Variants in CAMKK1 observed in about 807,000 individuals in gnomAD.
CAMKK1 encodes the protein calcium/calmodulin-dependent protein kinase kinase 1.
In CAMKK1, 20 loss-of-function variants were observed where a neutral mutation model predicts 63.5. That is an observed-to-expected ratio of 0.32 (90% CI 0.22 to 0.46). The LOEUF is 0.46. Ranked by LOEUF, CAMKK1 falls within the 20% of genes least tolerant of loss-of-function variation. CAMKK1 has a pLI of 1.00. For synonymous variants in CAMKK1, 253 were observed against 269.0 expected (o/e 0.94, Z 0.58); for missense variants, 588 against 658.1 (o/e 0.89, Z 1.17).
In CAMKK1 at chr17:3,887,756, G is replaced by A. The variant is rs1443938334; in HGVS notation, c.-43-2026C>T. On this transcript the variant is annotated intron_variant, in intron 1 of 15. Transcript: ENST00000348335. The surrounding 1 kb of genome is among the most constrained non-coding windows in gnomAD (Gnocchi z 6.1). ...GGAGGTGAGAGGGACAGTGAGTGGG[G>A]CTGGAGCTTCGGGGAGAGCTTGGAA... Among the ~76,000 whole-genome samples, 2 of 152,108 alleles carry A rather than the reference G, an allele frequency of 1.3e-5. No homozygotes were observed. The highest frequency in any genetic ancestry group is 2.9e-5 in the Non-Finnish European group (2 of 67,984).
chr17:3,868,497 CA>C lies in CAMKK1; in HGVS notation c.1341+989del, dbSNP rs549924262. The stretch of plus-strand genomic sequence containing the variant: ...CTAACTGATACGTGGGCTTTGGGGC[CA>C]CTCCTCCAATCCAAAGGCTGCCCAG... On this transcript the variant is annotated intron_variant, in intron 14 of 15. Transcript: ENST00000348335. Among the ~76,000 whole-genome samples, 139 of 152,192 alleles carry C rather than the reference CA, an allele frequency of 9.1e-4. 1 individual carries two copies. Among genetic ancestry groups the C allele is most frequent in the South Asian group, 2.1e-3 (10 of 4,814 alleles).
intron 12 of CAMKK1, among the ~76,000 whole-genome samples, chr17:3,871,739 G>A (rs918629776): frequency 6.7e-6 from 1 of 149,324 alleles, no homozygotes; most frequent in Non-Finnish European, 1.5e-5. Context: ...TCTGCCTCCT[G>A]GGTTCAAGCA....
At position 3,861,035 on chromosome 17, in the gene CAMKK1, GAGA is replaced by G. The variant is rs1195339514; in HGVS notation, c.*1173_*1175del. The G allele has an allele frequency of 3.9e-5, 6 of 152,344 alleles. No homozygotes were observed. The East Asian group carries it at 1.2e-3, about 29-fold the overall frequency. 9.4% of individuals were successfully genotyped at this position (152,344 alleles called of 1,614,324 possible). A position where few individuals can be genotyped will look rare whatever the true frequency, so the allele number is the denominator to read the frequency against. On this transcript the variant is annotated 3_prime_UTR_variant, in exon 16 of 16. Coordinates refer to ENST00000348335, the MANE Select transcript of CAMKK1 (RefSeq NM_032294.3). ...CGGCCAGCCGGACACTGATCCCAGA[GAGA>G]AGGTGAAGGCTGCTCCGGAAGAGCT...
In CAMKK1 at chr17:3,862,128, G is replaced by C; in HGVS notation, c.*83C>G. ...CTGCAGTCCCCAGCCCCCTGCCTGC[G>C]GGGGCGGCTGTTGCATGAGGGGTGG... On this transcript the variant is annotated 3_prime_UTR_variant, in exon 16 of 16. Transcript: ENST00000348335. The surrounding 1 kb of genome is among the most constrained non-coding windows in gnomAD (Gnocchi z 4.1). 8.6e-7 allele frequency: 1 copy of C among 1,169,436 alleles called. No individual in the cohort carries two copies. Among genetic ancestry groups the C allele is most frequent in the Non-Finnish European group, 1.2e-6 (1 of 813,496 alleles). The allele number at this position is 1,169,436 out of a possible 1,614,324, so 72.4% of individuals were successfully genotyped here. A position where few individuals can be genotyped will look rare whatever the true frequency, so the allele number is the denominator to read the frequency against.
Position 3,882,415 on chromosome 17 carries a change from G to T in CAMKK1, c.685+113C>A. 1 of 1,587,228 alleles carries T rather than the reference G, an allele frequency of 6.3e-7. No individual in the cohort carries two copies. The highest frequency in any genetic ancestry group is 2.2e-5 in the East Asian group (1 of 44,730). On this transcript the variant is annotated intron_variant, in intron 7 of 15. Coordinates refer to ENST00000348335, the MANE Select transcript of CAMKK1 (RefSeq NM_032294.3). The surrounding 1 kb of genome is among the most constrained non-coding windows in gnomAD (Gnocchi z 4.3). ...GCTTCAGAACGTGTGTTTTTCTTCT[G>T]TCCCCAGGAGGTCAGTGCATTTACA...
intron 1 of CAMKK1, among the ~76,000 whole-genome samples, chr17:3,885,988 A>G (rs1597488487): frequency 6.6e-6 from 1 of 152,168 alleles, no homozygotes; most frequent in Non-Finnish European, 1.5e-5. Context: ...CTTCACAGGG[A>G]AGCAGAGAGA....
chr17:3,867,879 C>T (rs1156644839), intron 14 of CAMKK1, among the ~76,000 whole-genome samples: 3 of 152,164 alleles, frequency 2.0e-5, no homozygotes, highest in Admixed American at 6.5e-5. Flanking sequence ...TTCCAAGTGC[C>T]AACACAGAAG....
chr17:3,872,723 G>A (rs2054947300), intron 11 of CAMKK1, 96 bp from the exon 12 acceptor site: 2 of 917,062 alleles, frequency 2.2e-6, no homozygotes, highest in Non-Finnish European at 3.6e-6. Context: ...AGGGGTAGGG[G>A]GCAGGTCTGG....
intron 7 of CAMKK1, 113 bp from the exon 8 acceptor site, chr17:3,881,761 G>T: frequency 2.1e-6 from 2 of 931,210 alleles, no homozygotes; most frequent in Non-Finnish European, 3.4e-6. Context: ...GCATACTCGA[G>T]GCAGGGACAG....
At position 3,889,782 on chromosome 17, in the gene CAMKK1, TGTGG is replaced by T. The variant is rs2055817572; in HGVS notation, c.-44+3153_-44+3156del. ...CAAGCGTCTGGCCACTCCCAAGGAA[TGTGG>T]GCCCCCGGCTCCAGACGCCCACTTG... On this transcript the variant is annotated intron_variant, in intron 1 of 15. Coordinates refer to ENST00000348335, the MANE Select transcript of CAMKK1 (RefSeq NM_032294.3). The surrounding 1 kb of genome is among the most constrained non-coding windows in gnomAD (Gnocchi z 5.2). Among the ~76,000 whole-genome samples, 2 of 151,880 alleles carry T rather than the reference TGTGG, an allele frequency of 1.3e-5. No homozygotes were observed. The highest frequency in any genetic ancestry group is 4.1e-4 in the South Asian group (2 of 4,822).
chr17:3,887,001 G>A lies in CAMKK1; in HGVS notation c.-43-1271C>T, dbSNP rs1480915945. ...ACCCACACAGCAACTGAGAACATGG[G>A]TCTCAGGGAGACCCAGAGTACGCAT... On this transcript the variant is annotated intron_variant, in intron 1 of 15. Coordinates refer to ENST00000348335, the MANE Select transcript of CAMKK1 (RefSeq NM_032294.3). This position sits in a 1 kb window ranked among gnomAD's most constrained non-coding sequence, Gnocchi z 6.1. Among the ~76,000 whole-genome samples, 1 of 152,124 alleles carries A rather than the reference G, an allele frequency of 6.6e-6. No homozygotes were observed. Among genetic ancestry groups the A allele is most frequent in the East Asian group, 1.9e-4 (1 of 5,192 alleles).
Position 3,883,817 on chromosome 17 carries a change from C to A in CAMKK1, c.462+67G>T. 1 of 1,526,578 alleles carries A rather than the reference C, an allele frequency of 6.6e-7. No individual in the cohort carries two copies. Among genetic ancestry groups the A allele is most frequent in the Non-Finnish European group, 9.1e-7 (1 of 1,102,278 alleles). 94.6% of individuals were successfully genotyped at this position (1,526,578 alleles called of 1,614,324 possible). Reference sequence around the variant, plus strand: ...TGTCCTCTATCTCCTAAGCACAACTCCTGCCCCACCCCTCAGGCTTCCAGG... The same window carrying A: ...TGTCCTCTATCTCCTAAGCACAACTACTGCCCCACCCCTCAGGCTTCCAGG... On this transcript the variant is annotated intron_variant, in intron 4 of 15. Coordinates refer to ENST00000348335, the MANE Select transcript of CAMKK1 (RefSeq NM_032294.3). The surrounding 1 kb of genome is among the most constrained non-coding windows in gnomAD (Gnocchi z 4.7).
At chr17:3,872,010 C>T (rs928482557) in intron 12 of CAMKK1, among the ~76,000 whole-genome samples, 15 of 152,210 alleles carry the variant, frequency 9.9e-5, no homozygotes, top group African/African-American at 3.4e-4. Flanking sequence ...GTGGCTGCCA[C>T]GGTGGCCGTC....
intron 14 of CAMKK1, among the ~76,000 whole-genome samples, chr17:3,868,721 T>C (rs1162725159): frequency 2.6e-5 from 4 of 151,792 alleles, no homozygotes; most frequent in Non-Finnish European, 2.9e-5. Flanking sequence ...GGCGTGATCT[T>C]GGCTCACTAC....
chr17:3,868,807 T>C (rs1597447465), intron 14 of CAMKK1, among the ~76,000 whole-genome samples: 1 of 146,970 alleles, frequency 6.8e-6, no homozygotes, highest in Non-Finnish European at 1.5e-5. Context: ...TGCCCACCAC[T>C]GCGCCCGGCT....
intron 10 of CAMKK1, 85 bp from the exon 11 acceptor site, chr17:3,873,547 G>T: frequency 7.8e-7 from 1 of 1,285,088 alleles, no homozygotes. Flanking sequence ...GGAGAGGCCT[G>T]CAGGGAACCT....
At chr17:3,869,656 G>T in intron 13 of CAMKK1, 41 bp from the exon 14 acceptor site, 1 of 1,613,720 alleles carries the variant, frequency 6.2e-7, no homozygotes, top group Non-Finnish European at 8.5e-7. Flanking sequence ...GAGAGGTCAG[G>T]CCATTACCAG....
rs2054341881 is a variant in CAMKK1 at position 3,861,890 on chromosome 17, C to T, written c.*321G>A. 8 of 394,380 alleles carry T rather than the reference C, an allele frequency of 2.0e-5. No homozygotes were observed. The South Asian group carries it at 2.6e-4, about 13-fold the overall frequency. 24.4% of individuals were successfully genotyped at this position (394,380 alleles called of 1,614,324 possible). A position where few individuals can be genotyped will look rare whatever the true frequency, so the allele number is the denominator to read the frequency against. On this transcript the variant is annotated 3_prime_UTR_variant, in exon 16 of 16. Transcript: ENST00000348335. ...TGGTCTCCTGCCTCTGCCTCCTGCC[C>T]CAGGCCATGCCAACCAGCCGGGTGG...
In CAMKK1 at chr17:3,884,954, G is replaced by A. The variant is rs963823302; in HGVS notation, c.360+374C>T. Among the ~76,000 whole-genome samples the A allele has an allele frequency of 2.6e-5, 4 of 152,176 alleles. No homozygotes were observed. The highest frequency in any genetic ancestry group is 6.5e-5 in the Admixed American group (1 of 15,284). Reference sequence around the variant, plus strand: ...CCCAGAGGCTGGAGGCAGGCCGGCCGCTTCTGAGTCACAGCAGACTCTAAG... The same window carrying A: ...CCCAGAGGCTGGAGGCAGGCCGGCCACTTCTGAGTCACAGCAGACTCTAAG... On this transcript the variant is annotated intron_variant, in intron 2 of 15. Coordinates refer to ENST00000348335, the MANE Select transcript of CAMKK1 (RefSeq NM_032294.3). This position sits in a 1 kb window ranked among gnomAD's most constrained non-coding sequence, Gnocchi z 4.5.
Sources: allele counts gnomAD v4.1 joint callset (sites outside exome capture counted in the v4.1 genomes callset), GRCh38; gene constraint gnomAD v4.1.1; non-coding constraint Gnocchi (gnomAD v3.1); transcripts MANE v1.5; gene names NCBI Gene and HGNC (gene_info 2026-07-23, HGNC 2026-07-21).